EFHC2: variants seen among roughly 807,000 people sequenced by gnomAD.
EFHC2 encodes EF-hand domain containing 2, also known as EF-hand domain-containing family member C2.
Under a neutral mutation model 52.7 loss-of-function variants are expected in EFHC2, and 18 were observed. That is an observed-to-expected ratio of 0.34 (90% CI 0.24 to 0.51). EFHC2 has a LOEUF of 0.51. Among genes scored for constraint, EFHC2 ranks in the 20% least tolerant of loss-of-function variants. The pLI, the probability that EFHC2 is intolerant of heterozygous loss-of-function variation, is 0.97. For synonymous variants in EFHC2, 203 were observed against 204.1 expected (o/e 0.99, Z 0.04); for missense variants, 513 against 562.5 (o/e 0.91, Z 0.89).
At chrX:44,310,236 A>T in intron 2 of EFHC2, 1 of 804,471 alleles carries the variant, frequency 1.2e-6, no homozygotes, top group Non-Finnish European at 1.8e-6. Context: ...GGGGAAGATG[A>T]CAAAGCGGCA....
chrX:44,257,273 A>G (rs2037499422), intron 4 of EFHC2, among the ~76,000 whole-genome samples: 1 of 111,881 alleles, frequency 8.9e-6, no homozygotes. Context: ...ACTCCTATTC[A>G]ACATAGTATT....
chrX:44,160,891 C>T (rs1449222161), intron 14 of EFHC2, among the ~76,000 whole-genome samples: 1 of 109,647 alleles, frequency 9.1e-6, no homozygotes, highest in Non-Finnish European at 1.9e-5. Flanking sequence ...CACTGCACAC[C>T]AGCTTGGGCA....
chrX:44,153,561 T>C (rs1569271897), intron 14 of EFHC2, among the ~76,000 whole-genome samples: 2 of 111,534 alleles, frequency 1.8e-5, no homozygotes, highest in Middle Eastern at 4.6e-3. Context: ...TGGCTTACAA[T>C]TGACTAATGG....
At chrX:44,217,838 T>TA (rs1045770055) in intron 11 of EFHC2, among the ~76,000 whole-genome samples, 3 of 111,923 alleles carry the variant, frequency 2.7e-5, no homozygotes, top group African/African-American at 6.5e-5. Context: ...TAAAATAACT[T>TA]AGAGTGTCAT....
chrX:44,336,875 G>T (rs1178848795), intron 1 of EFHC2, among the ~76,000 whole-genome samples: 1 of 111,759 alleles, frequency 8.9e-6, no homozygotes, highest in Non-Finnish European at 1.9e-5. Flanking sequence ...GGTCTATAAA[G>T]AAATCAAGAT....
At chrX:44,198,202 T>C (rs1402715647) in intron 11 of EFHC2, among the ~76,000 whole-genome samples, 1 of 111,772 alleles carries the variant, frequency 8.9e-6, no homozygotes, top group Non-Finnish European at 1.9e-5. Flanking sequence ...GTTGGTCCTT[T>C]TTCCACTCTT....
chrX:44,294,666 A>T (rs2037815508), intron 2 of EFHC2, among the ~76,000 whole-genome samples: 2 of 111,895 alleles, frequency 1.8e-5, no homozygotes, highest in Admixed American at 9.5e-5. Context: ...TGCTGTGGAT[A>T]CAACACTCAA....
chrX:44,242,347 GT>G, intron 7 of EFHC2, 58 bp from the exon 8 acceptor site: 1 of 1,090,815 alleles, frequency 9.2e-7, no homozygotes, highest in Non-Finnish European at 1.2e-6. Flanking sequence ...GATTATGGCT[GT>G]TTTGAAAGGT....
intron 11 of EFHC2, among the ~76,000 whole-genome samples, chrX:44,190,769 G>A (rs761461096): frequency 1.8e-5 from 2 of 110,722 alleles, no homozygotes; most frequent in Non-Finnish European, 3.8e-5. Context: ...CCATGTCTGC[G>A]TGGGTTTTCT....
intron 2 of EFHC2, among the ~76,000 whole-genome samples, chrX:44,307,856 C>A (rs2037917257): frequency 1.8e-5 from 2 of 110,240 alleles, no homozygotes; most frequent in African/African-American, 6.6e-5. Flanking sequence ...ATTGCTTGAA[C>A]CCAAGAGGCA....
rs1380766344 is a variant in EFHC2 at position 44,280,691 on chromosome X, C to G, written c.232-7855G>C. On this transcript the variant is annotated intron_variant, in intron 2 of 14. Transcript: ENST00000420999. Reference sequence around the variant, plus strand: ...AAATATTCTTATGTGTTAGCAATAACCAGCTAGACCATACAATGGGGGGAA... The same window carrying G: ...AAATATTCTTATGTGTTAGCAATAAGCAGCTAGACCATACAATGGGGGGAA... Among the ~76,000 whole-genome samples, 3 of 111,602 alleles carry G rather than the reference C, an allele frequency of 2.7e-5. No homozygotes were observed. The East Asian group carries it at 8.4e-4, about 31-fold the overall frequency.
chrX:44,198,603 G>A (rs2036982978), intron 11 of EFHC2, among the ~76,000 whole-genome samples: 1 of 111,541 alleles, frequency 9.0e-6, no homozygotes, highest in Non-Finnish European at 1.9e-5. Flanking sequence ...TGAAAACAGA[G>A]AGAAATGTCC....
At chrX:44,277,773 A>G (rs2037671177) in intron 2 of EFHC2, among the ~76,000 whole-genome samples, 1 of 111,295 alleles carries the variant, frequency 9.0e-6, no homozygotes, top group Non-Finnish European at 1.9e-5. Context: ...AAAGTAATAC[A>G]ACTAGAAGTG....
At chrX:44,272,977 C>T (rs2037628254) in intron 2 of EFHC2, 141 bp from the exon 3 acceptor site, 1 of 466,748 alleles carries the variant, frequency 2.1e-6, no homozygotes, top group Non-Finnish European at 3.6e-6. Context: ...TTCTACACAT[C>T]AGCCATGCGA....
At chrX:44,316,271 C>T (rs1569307332) in intron 1 of EFHC2, among the ~76,000 whole-genome samples, 1 of 111,676 alleles carries the variant, frequency 9.0e-6, no homozygotes, top group Non-Finnish European at 1.9e-5. Flanking sequence ...CTACACAAAC[C>T]CCTCTCCCCA....
intron 1 of EFHC2, among the ~76,000 whole-genome samples, chrX:44,336,737 G>A (rs1482610532): frequency 8.9e-6 from 1 of 112,091 alleles, no homozygotes; most frequent in Non-Finnish European, 1.9e-5. Flanking sequence ...TGAAATTGAT[G>A]TGTGCTTATT....
At chrX:44,339,097 A>C (rs1023875927) in intron 1 of EFHC2, among the ~76,000 whole-genome samples, 26 of 110,858 alleles carry the variant, frequency 2.3e-4, no homozygotes, top group African/African-American at 8.6e-4. Context: ...AGGCTGAGGC[A>C]GGAGAATCGA....
At chrX:44,153,441 G>T (rs2036584672) in intron 14 of EFHC2, among the ~76,000 whole-genome samples, 1 of 111,643 alleles carries the variant, frequency 9.0e-6, no homozygotes, top group South Asian at 3.8e-4. Context: ...TTAGGTTCCA[G>T]ATGGGAATGA....
chrX:44,288,202 A>C (rs1344860517), intron 2 of EFHC2, among the ~76,000 whole-genome samples: 1 of 110,866 alleles, frequency 9.0e-6, no homozygotes, highest in Non-Finnish European at 1.9e-5. Flanking sequence ...AAATGTGATC[A>C]TCAAAAAAAA....
Sources: gnomAD v4.1 joint callset for allele counts (sites outside exome capture counted in the v4.1 genomes callset) on GRCh38, gnomAD v4.1.1 for gene constraint, MANE v1.5 for transcripts, NCBI Gene and HGNC (gene_info 2026-07-23, HGNC 2026-07-21) for gene names.